The following ALLC variants were observed in gnomAD, a reference collection of about 807,000 sequenced individuals.
ALLC encodes the protein probable inactive allantoicase.
In ALLC, 40 loss-of-function variants were observed where a neutral mutation model predicts 45.0. The ratio of observed to expected loss-of-function variants is 0.89; its 90% CI spans 0.69 to 1.16. The LOEUF is 1.16. Among genes scored for constraint, ALLC ranks in the 50% most tolerant of loss-of-function variants. The pLI is 0.00. For synonymous variants in ALLC, 176 were observed against 178.1 expected (o/e 0.99, Z 0.09); for missense variants, 488 against 493.1 (o/e 0.99, Z 0.10).
At chr2:3,649,158 C>T in the ALLC span, among the ~76,000 whole-genome samples, 14 of 151,836 alleles carry the variant, frequency 9.2e-5, no homozygotes, top group East Asian at 3.9e-4. Context: ...ACAATGGGCG[C>T]GTTAATGAGC....
chr2:3,675,488 A>G (rs376516857), intron 3 of ALLC, among the ~76,000 whole-genome samples: 2 of 152,012 alleles, frequency 1.3e-5, no homozygotes, highest in East Asian at 3.9e-4. Flanking sequence ...GCACACATCA[A>G]ACAGTGAGAT....
intron 2 of ALLC, among the ~76,000 whole-genome samples, chr2:3,672,820 G>A (rs1439836507): frequency 6.6e-6 from 1 of 152,254 alleles, no homozygotes; most frequent in Admixed American, 6.5e-5. Flanking sequence ...TGGCTCTAGT[G>A]TGTAATGAGG....
At chr2:3,660,884 G>A (rs1002570163) in intron 1 of ALLC, among the ~76,000 whole-genome samples, 12 of 151,844 alleles carry the variant, frequency 7.9e-5, no homozygotes, top group Non-Finnish European at 1.5e-4. Flanking sequence ...TGATCGGAAT[G>A]AGTCAGGGTG....
intron 3 of ALLC, among the ~76,000 whole-genome samples, chr2:3,677,847 C>T (rs116654922): frequency 0.018 from 2,776 of 152,324 alleles, 97 homozygotes; most frequent in African/African-American, 0.063. Flanking sequence ...GCCAGCATAA[C>T]GATTTCTGAG....
At chr2:3,684,982 A>C (rs1057284887) in intron 7 of ALLC, among the ~76,000 whole-genome samples, 3 of 152,114 alleles carry the variant, frequency 2.0e-5, no homozygotes, top group African/African-American at 7.2e-5. Flanking sequence ...CTTTGATTTC[A>C]TATTTTGGCT....
rs768663766 is a variant in ALLC, at chr2:3,696,323, G to A, written c.716G>A (p.Arg239Lys). The A allele has an allele frequency of 5.6e-6, 9 of 1,613,326 alleles. No individual in the cohort carries two copies. Among genetic ancestry groups the A allele is most frequent in the Non-Finnish European group, 7.6e-6 (9 of 1,179,656 alleles). The stretch of plus-strand genomic sequence containing the variant: ...GCGGATGGTTGGGAAACTGCAAGAA[G>A]GCTGGACCGGCCACCAATATTAGAA... Reference protein sequence around the residue: ...SMADGWETARRLDRPPILEND... With the variant: ...SMADGWETARKLDRPPILEND... Residue 239 changes from arginine to lysine, a missense_variant, in exon 9 of 12, where the codon AGG becomes AAG. Coordinates refer to ENST00000252505, the MANE Select transcript of ALLC (RefSeq NM_018436.4).
rs1299556587 is a variant in ALLC, at chr2:3,681,811, C to T, written c.378+98C>T. 4.1e-5 allele frequency: 39 copies of T among 945,244 alleles called. No individual in the cohort carries two copies. In the South Asian group the frequency reaches 5.1e-4, roughly 12 times the overall value. The allele number at this position is 945,244 out of a possible 1,614,324, so 58.6% of individuals were successfully genotyped here. Reference sequence around the variant, plus strand: ...GGCTGTGCAAGGCGATTCTTTGGGACGCCCAGCCCTGATGCTCCCCACATC... The same window carrying T: ...GGCTGTGCAAGGCGATTCTTTGGGATGCCCAGCCCTGATGCTCCCCACATC... On this transcript the variant is annotated intron_variant, in intron 6 of 11. Transcript: ENST00000252505.
Position 3,683,013 on chromosome 2 carries a change from C to T in ALLC, c.450C>T (p.His150=). ...AGCCAGGAAACCCTGCTTCCGGCCA[C>T]AACTATTTTCTTGTCAATTCCCAGC... ...ELKPGNPASG[H]NYFLVNSQQR... is the part of the protein sequence containing the mutation. Residue 150 remains histidine (H), a synonymous_variant, in exon 7 of 12, where the codon CAC becomes CAT. Coordinates refer to ENST00000252505, the MANE Select transcript of ALLC (RefSeq NM_018436.4). The T allele has an allele frequency of 6.2e-7, 1 of 1,613,982 alleles. No individual in the cohort carries two copies. Among genetic ancestry groups the T allele is most frequent in the South Asian group, 1.1e-5 (1 of 91,070 alleles).
intron 3 of ALLC, among the ~76,000 whole-genome samples, chr2:3,676,329 C>A (rs1229034509): frequency 6.6e-6 from 1 of 152,230 alleles, no homozygotes; most frequent in African/African-American, 2.4e-5. Context: ...GGCTGTCAGG[C>A]TGGGGTGCAG....
At chr2:3,647,220 T>TAAG in the ALLC span, among the ~76,000 whole-genome samples, 1 of 152,148 alleles carries the variant, frequency 6.6e-6, no homozygotes, top group Non-Finnish European at 1.5e-5. Flanking sequence ...CACATACGTC[T>TAAG]AAGAAGCAAA....
chr2:3,664,970 A>C (rs1666668460), intron 1 of ALLC, among the ~76,000 whole-genome samples: 2 of 151,884 alleles, frequency 1.3e-5, no homozygotes, highest in Admixed American at 1.3e-4. Flanking sequence ...CTTAGTCTTG[A>C]AAACTGTTAT....
intron 7 of ALLC, among the ~76,000 whole-genome samples, chr2:3,687,564 C>T (rs544137276): frequency 1.3e-5 from 2 of 150,726 alleles, no homozygotes; most frequent in South Asian, 2.1e-4. Flanking sequence ...GCCATTAGGT[C>T]CTGGAATTTT....
intron 10 of ALLC, among the ~76,000 whole-genome samples, chr2:3,698,747 T>C (rs902702858): frequency 1.3e-5 from 2 of 151,946 alleles, no homozygotes; most frequent in Non-Finnish European, 2.9e-5. Context: ...GGGTGAGTGG[T>C]TTTTATTTTT....
upstream of ALLC, among the ~76,000 whole-genome samples, chr2:3,653,486 G>C (rs77719803): frequency 0.07 from 10,678 of 152,250 alleles, 444 homozygotes; most frequent in East Asian, 0.11. The surrounding 1 kb of genome is among the most constrained non-coding windows in gnomAD (Gnocchi z 4.1). Flanking sequence ...CCTGCGTCCT[G>C]CCAGCTACGA....
chr2:3,652,270 C>T, the ALLC span, among the ~76,000 whole-genome samples: 1,539 of 152,352 alleles, frequency 0.01, 36 homozygotes, highest in African/African-American at 0.034. Context: ...GCTGTGTTTG[C>T]ATTTCACTAG....
At chr2:3,698,951 C>T (rs1275896556) in intron 10 of ALLC, among the ~76,000 whole-genome samples, 1 of 152,182 alleles carries the variant, frequency 6.6e-6, no homozygotes, top group African/African-American at 2.4e-5. Context: ...TCATCATTAA[C>T]AGTAGTGCCT....
intron 3 of ALLC, among the ~76,000 whole-genome samples, chr2:3,678,137 C>G (rs1667074508): frequency 6.6e-6 from 1 of 152,230 alleles, no homozygotes; most frequent in East Asian, 1.9e-4. Context: ...TGACCAGCCT[C>G]TCTCACTTTA....
Position 3,680,052 on chromosome 2 carries a change from C to G in ALLC, c.298+58C>G. 6.2e-7 allele frequency: 1 copy of G among 1,604,148 alleles called. No homozygotes were observed. The highest frequency in any genetic ancestry group is 8.5e-7 in the Non-Finnish European group (1 of 1,172,756). On this transcript the variant is annotated intron_variant, in intron 5 of 11. Transcript: ENST00000252505. This position sits in a 1 kb window ranked among gnomAD's most constrained non-coding sequence, Gnocchi z 4.0. ...ATTATGGGTCACATGGCTCCTCTGG[C>G]CAGCCACAGCCCCACAACTGCTCAC...
Position 3,702,452 on chromosome 2 carries a change from CGGGGGAGT to C in ALLC, c.1067_1074del (p.Gly356GlufsTer62). 1 of 1,612,812 alleles carries C rather than the reference CGGGGGAGT, an allele frequency of 6.2e-7. No individual in the cohort carries two copies. The highest frequency in any genetic ancestry group is 1.7e-5 in the Admixed American group (1 of 59,996). ...ACGCCAGGCTCACCATCGTCCCCGA[CGGGGGAGT>C]GAGCCGCCTTCGGCTCCGGGGCTTC... is the stretch of plus-strand genomic sequence containing the variant. On this transcript the variant is annotated frameshift_variant, in exon 12 of 12. Transcript: ENST00000252505. LOFTEE classifies it high-confidence loss of function.
Sources: gnomAD v4.1 joint callset for allele counts (sites outside exome capture counted in the v4.1 genomes callset) on GRCh38, gnomAD v4.1.1 for gene constraint, Gnocchi (gnomAD v3.1) non-coding constraint, MANE v1.5 for transcripts, NCBI Gene and HGNC (gene_info 2026-07-23, HGNC 2026-07-21) for gene names.